The following SPMIP6 variants were observed in gnomAD, a reference collection of about 807,000 sequenced individuals.
SPMIP6 encodes sperm microtubule inner protein 6.
chr9:34,389,682 T>C, the SPMIP6 span, among the ~76,000 whole-genome samples: 1 of 152,234 alleles, frequency 6.6e-6, no homozygotes, highest in Non-Finnish European at 1.5e-5. Context: ...ATCTTTATGA[T>C]AGTAACTATT....
the SPMIP6 span, chr9:34,382,988 C>T: frequency 4.0e-6 from 3 of 753,876 alleles, no homozygotes; most frequent in South Asian, 3.1e-5. Context: ...ACAGACTGTC[C>T]TCAAGCCAGA....
chr9:34,385,594 G>C, the SPMIP6 span: 1 of 1,559,996 alleles, frequency 6.4e-7, no homozygotes, highest in Admixed American at 1.7e-5. Flanking sequence ...GTTGGGTTCA[G>C]GTTGGGGGTC....
the SPMIP6 span, among the ~76,000 whole-genome samples, chr9:34,396,738 C>T: frequency 1.5e-4 from 23 of 152,268 alleles, no homozygotes; most frequent in Non-Finnish European, 2.8e-4. Context: ...GGTTGGGCAG[C>T]GCTCTCCCCT....
the SPMIP6 span, chr9:34,381,115 C>G: frequency 1.9e-6 from 3 of 1,599,702 alleles, no homozygotes; most frequent in Middle Eastern, 1.7e-4. This position sits in a 1 kb window ranked among gnomAD's most constrained non-coding sequence, Gnocchi z 4.4. Context: ...TCAGCATGTT[C>G]ACCATCACTT....
chr9:34,379,622 TGA>T, the SPMIP6 span: 1 of 1,605,604 alleles, frequency 6.2e-7, no homozygotes, highest in Non-Finnish European at 8.5e-7. This position sits in a 1 kb window ranked among gnomAD's most constrained non-coding sequence, Gnocchi z 4.2. Context: ...CGTGTGCAAA[TGA>T]GTGTGTGCGC....
At chr9:34,381,778 T>C in the SPMIP6 span, 1 of 985,092 alleles carries the variant, frequency 1.0e-6, no homozygotes, top group Non-Finnish European at 1.2e-6. The surrounding 1 kb of genome is among the most constrained non-coding windows in gnomAD (Gnocchi z 4.4). Flanking sequence ...AATAGGGGGT[T>C]TTCAATATTG....
the SPMIP6 span, among the ~76,000 whole-genome samples, chr9:34,395,992 T>C: frequency 2.0e-5 from 3 of 152,332 alleles, no homozygotes; most frequent in Middle Eastern, 3.4e-3. Flanking sequence ...TGTGTATATC[T>C]TTTCTCCTAA....
the SPMIP6 span, chr9:34,381,120 T>G: frequency 6.3e-7 from 1 of 1,593,984 alleles, no homozygotes; most frequent in Non-Finnish European, 8.6e-7. This position sits in a 1 kb window ranked among gnomAD's most constrained non-coding sequence, Gnocchi z 4.4. Context: ...ATGTTCACCA[T>G]CACTTCGCGC....
At chr9:34,385,548 A>T in the SPMIP6 span, 1 of 1,042,368 alleles carries the variant, frequency 9.6e-7, no homozygotes, top group Non-Finnish European at 1.3e-6. Flanking sequence ...AAAAAAAAAA[A>T]AAAAAAAAAA....
At chr9:34,397,498 C>G in the SPMIP6 span, 1 of 1,614,126 alleles carries the variant, frequency 6.2e-7, no homozygotes, top group Non-Finnish European at 8.5e-7. Context: ...CTCCCACTTA[C>G]CGGAGTCAGA....
At chr9:34,381,563 C>T in the SPMIP6 span, 1 of 1,522,972 alleles carries the variant, frequency 6.6e-7, no homozygotes, top group Non-Finnish European at 8.8e-7. This position sits in a 1 kb window ranked among gnomAD's most constrained non-coding sequence, Gnocchi z 4.4. Flanking sequence ...CCTTCAGCAG[C>T]TCCCCACCTC....
the SPMIP6 span, chr9:34,380,979 G>C: frequency 6.2e-7 from 1 of 1,608,790 alleles, no homozygotes; most frequent in Non-Finnish European, 8.5e-7. Flanking sequence ...TCCATCCCGC[G>C]CAGACAGTAG....
At chr9:34,379,587 C>A in the SPMIP6 span, 1 of 1,476,414 alleles carries the variant, frequency 6.8e-7, no homozygotes, top group Non-Finnish European at 9.5e-7. The surrounding 1 kb of genome is among the most constrained non-coding windows in gnomAD (Gnocchi z 4.2). Flanking sequence ...CTCCCCCAGC[C>A]CCGCCTCACC....
chr9:34,381,051 C>T, the SPMIP6 span: 5 of 1,611,702 alleles, frequency 3.1e-6, no homozygotes, highest in African/African-American at 4.0e-5. The surrounding 1 kb of genome is among the most constrained non-coding windows in gnomAD (Gnocchi z 4.4). Flanking sequence ...AGCGGGTCCA[C>T]GCACCCGCAT....
At chr9:34,379,734 T>TAC in the SPMIP6 span, 10 of 1,612,964 alleles carry the variant, frequency 6.2e-6, no homozygotes, top group Non-Finnish European at 7.6e-6. This position sits in a 1 kb window ranked among gnomAD's most constrained non-coding sequence, Gnocchi z 4.2. Flanking sequence ...GGTACACATC[T>TAC]GGAGAAGGAG....
At chr9:34,379,133 GT>G in the SPMIP6 span, 4 of 1,613,974 alleles carry the variant, frequency 2.5e-6, no homozygotes, top group Non-Finnish European at 3.4e-6. This position sits in a 1 kb window ranked among gnomAD's most constrained non-coding sequence, Gnocchi z 4.2. Context: ...GGATAACATA[GT>G]TGTTTCTCTG....
the SPMIP6 span, chr9:34,382,804 T>C: frequency 6.2e-7 from 1 of 1,614,192 alleles, no homozygotes; most frequent in Non-Finnish European, 8.5e-7. Flanking sequence ...CAGCTGCTGT[T>C]GTAAGGTTCC....
chr9:34,379,093 C>T, the SPMIP6 span: 14 of 1,608,432 alleles, frequency 8.7e-6, no homozygotes, highest in Admixed American at 3.3e-5. The surrounding 1 kb of genome is among the most constrained non-coding windows in gnomAD (Gnocchi z 4.2). Context: ...CAACGATAGT[C>T]GGGATAGGTC....
At chr9:34,393,849 C>G in the SPMIP6 span, among the ~76,000 whole-genome samples, 4 of 152,138 alleles carry the variant, frequency 2.6e-5, no homozygotes, top group Non-Finnish European at 4.4e-5. Context: ...TGTGTTGACT[C>G]TACTCTTTAA....
Sources: allele counts gnomAD v4.1 joint callset (sites outside exome capture counted in the v4.1 genomes callset), GRCh38; gene constraint gnomAD v4.1.1; non-coding constraint Gnocchi (gnomAD v3.1); transcripts MANE v1.5; gene names NCBI Gene and HGNC (gene_info 2026-07-23, HGNC 2026-07-21).